Variants in TNS4 observed in about 807,000 individuals in gnomAD.
TNS4 encodes the protein tensin 4, also known as tensin-4.
A neutral mutation model predicts 70.4 loss-of-function variants in TNS4; 46 were observed. The ratio of observed to expected loss-of-function variants is 0.65; its 90% CI spans 0.52 to 0.84. The LOEUF is 0.84. TNS4 is among the 40% of genes least tolerant of loss of function. TNS4 has a pLI of 0.00. For synonymous variants in TNS4, 390 were observed against 366.6 expected, an observed-to-expected ratio of 1.06 and a Z score of -0.73; for missense variants, 863 against 907.0, an observed-to-expected ratio of 0.95 and a Z score of 0.62.
At position 40,482,408 on chromosome 17, in the gene TNS4, T is replaced by C; in HGVS notation, c.1510A>G (p.Ser504Gly). The change falls in exon 7 of 13, where the codon AGC becomes GGC. Residue 504 changes from serine to glycine, a missense_variant. Physicochemically the swap from Ser to Gly is moderately conservative, Grantham distance 56 (BLOSUM62 0). Transcript: ENST00000254051. ...AGGAAGTGTCGGATGAGGTCATTGC[T>C]GTCCTCACCTGGACAGAGAAGAAAG... is the stretch of plus-strand genomic sequence containing the variant. ...ASAQSRPGED[S>G]NDLIRHFLIE... The C allele has an allele frequency of 6.2e-7, 1 of 1,614,004 alleles. No homozygotes were observed. The highest frequency in any genetic ancestry group is 1.1e-5 in the South Asian group (1 of 91,084).
intron 3 of TNS4, 91 bp downstream of exon 3, chr17:40,488,455 A>G: frequency 6.2e-6 from 8 of 1,290,586 alleles, no homozygotes; most frequent in Non-Finnish European, 8.1e-6. Flanking sequence ...TTTTGCTCAG[A>G]CAGAGCAGGG....
At chr17:40,498,033 T>A (rs1470226738) in intron 1 of TNS4, among the ~76,000 whole-genome samples, 3 of 152,210 alleles carry the variant, frequency 2.0e-5, no homozygotes, top group African/African-American at 7.2e-5. Context: ...CCAAGAAAAC[T>A]GTACAGAGCT....
chr17:40,482,757 G>C lies in TNS4; in HGVS notation c.1502-341C>G, dbSNP rs193011294. On this transcript the variant is annotated intron_variant, in intron 6 of 12. Transcript: ENST00000254051. ...TGTGCTACTGCACTCCAGCCTGGGT[G>C]ACACAGTGAGACTCTGTCTCACCGG... Among the ~76,000 whole-genome samples the C allele has an allele frequency of 3.8e-3, 583 of 151,446 alleles. 2 individuals carry two copies. Among genetic ancestry groups the C allele is most frequent in the African/African-American group, 0.013 (544 of 41,282 alleles).
Position 40,478,288 on chromosome 17 carries a change from T to C in TNS4, c.2006+19A>G. 1 of 1,613,758 alleles carries C rather than the reference T, an allele frequency of 6.2e-7. No individual in the cohort carries two copies. The highest frequency in any genetic ancestry group is 8.5e-7 in the Non-Finnish European group (1 of 1,179,898). ...CCTCCCCATGTTGGGTTTGGGGCCC[T>C]GAGACAGGAAGGCCTTACCAGGAGG... On this transcript the variant is annotated intron_variant, in intron 12 of 12. Transcript: ENST00000254051.
In TNS4 at chr17:40,480,756, G is replaced by C; in HGVS notation, c.1685C>G (p.Ala562Gly). Residue 562 changes from alanine (A) to glycine (G), a missense_variant, in exon 9 of 13, where the codon GCA becomes GGA. Transcript: ENST00000254051. ...LTIPQRELGG[A>G]DGASDSTDSP... is the part of the protein sequence containing the mutation. ...GTCTGTAGAGTCCGAGGCCCCATCT[G>C]CACCTCCCAGTTCTGAGCCAAGGCA... is the stretch of plus-strand genomic sequence containing the variant. The C allele has an allele frequency of 6.2e-7, 1 of 1,601,020 alleles. No homozygotes were observed. The highest frequency in any genetic ancestry group is 2.3e-5 in the East Asian group (1 of 43,352).
chr17:40,482,763 G>A (rs2035943298), intron 6 of TNS4, among the ~76,000 whole-genome samples: 2 of 151,494 alleles, frequency 1.3e-5, no homozygotes, highest in Non-Finnish European at 2.9e-5. Flanking sequence ...GGGTGACACA[G>A]TGAGACTCTG....
intron 11 of TNS4, 40 bp from the exon 12 acceptor site, chr17:40,478,373 C>T (rs771124893): frequency 1.3e-5 from 21 of 1,606,742 alleles, no homozygotes; most frequent in Admixed American, 5.2e-5. Flanking sequence ...TGAGGCTTCG[C>T]TCCATGCCAC....
At chr17:40,486,531 C>T (rs949107253) in intron 4 of TNS4, among the ~76,000 whole-genome samples, 3 of 146,046 alleles carry the variant, frequency 2.1e-5, no homozygotes, top group African/African-American at 5.2e-5. Context: ...AGGCAAATTC[C>T]ATTTTTTTTT....
At chr17:40,495,027 G>A (rs1004234997) in intron 2 of TNS4, among the ~76,000 whole-genome samples, 7 of 152,064 alleles carry the variant, frequency 4.6e-5, no homozygotes, top group Non-Finnish European at 7.4e-5. Context: ...CTTTGGACTC[G>A]GTGGTGCCCT....
Position 40,478,132 on chromosome 17 carries a change from C to T in TNS4, c.2006+175G>A, listed in dbSNP as rs573815248. The T allele has an allele frequency of 7.6e-6, 6 of 792,884 alleles. No homozygotes were observed. In the East Asian group the frequency reaches 1.3e-4, roughly 18 times the overall value. 49.1% of individuals were successfully genotyped at this position (792,884 alleles called of 1,614,324 possible). On this transcript the variant is annotated intron_variant, in intron 12 of 12. Transcript: ENST00000254051. ...GCTCCCAGGCTCATGTCACCCCCAA[C>T]AGCCCAGAGGCTCTGAGGGCAGTCA...
At position 40,487,127 on chromosome 17, in the gene TNS4, T is replaced by C; in HGVS notation, c.1197A>G (p.Gln399=). 2 of 1,614,210 alleles carry C rather than the reference T, an allele frequency of 1.2e-6. No homozygotes were observed. Among genetic ancestry groups the C allele is most frequent in the Non-Finnish European group, 1.7e-6 (2 of 1,180,044 alleles). ...QRTPGHQNSV[Q]PGAASPSNPC... is the part of the protein sequence containing the mutation. ...GGTTGCTGGGAGAAGCAGCTCCAGG[T>C]TGAACGGAGTTCTGGTGTCCTGGGG... is the stretch of plus-strand genomic sequence containing the variant. The change falls in exon 4 of 13, where the codon CAA becomes CAG. Residue 399 remains glutamine (Q), a synonymous_variant. Coordinates refer to ENST00000254051, the MANE Select transcript of TNS4 (RefSeq NM_032865.6).
chr17:40,482,454 C>T (rs773068540), intron 6 of TNS4, 38 bp from the exon 7 acceptor site: 9 of 1,606,338 alleles, frequency 5.6e-6, no homozygotes, highest in Middle Eastern at 3.3e-4. Flanking sequence ...GATAGAATTC[C>T]ACCTTGTGGC....
chr17:40,490,204 C>T (rs1006301795), intron 2 of TNS4, among the ~76,000 whole-genome samples: 2 of 152,246 alleles, frequency 1.3e-5, no homozygotes, highest in Non-Finnish European at 2.9e-5. Context: ...CCCAGGCTGC[C>T]GACGCGCTCC....
chr17:40,480,614 G>A (rs570775992), intron 9 of TNS4, 86 bp downstream of exon 9: 1 of 1,279,730 alleles, frequency 7.8e-7, no homozygotes, highest in African/African-American at 1.6e-5. Context: ...GTGCGTGTGT[G>A]CGTGCATGCG....
chr17:40,488,936 G>T lies in TNS4; in HGVS notation c.473C>A (p.Ser158Ter). Reference protein sequence around the residue: ...IKYIEVTSARSRCHDGPQHCS... With the variant: ...IKYIEVTSAR ...GTGCTGGGGGCCATCGTGGCACCTT[G>T]ATCTGGCGGAGGTCACCTCGATGTA... Residue 158 changes from serine to a stop codon, truncating the protein, a stop_gained, in exon 3 of 13, where the codon TCA becomes TAA. Coordinates refer to ENST00000254051, the MANE Select transcript of TNS4 (RefSeq NM_032865.6). LOFTEE classifies it high-confidence loss of function. 1 of 1,595,270 alleles carries T rather than the reference G, an allele frequency of 6.3e-7. No individual in the cohort carries two copies. The highest frequency in any genetic ancestry group is 8.5e-7 in the Non-Finnish European group (1 of 1,173,404).
At chr17:40,482,009 G>A in intron 8 of TNS4, 120 bp downstream of exon 8, 1 of 1,146,794 alleles carries the variant, frequency 8.7e-7, no homozygotes, top group Non-Finnish European at 1.2e-6. Context: ...CGACTCCAGT[G>A]CACACAGTTT....
chr17:40,477,800 T>A, intron 12 of TNS4, 71 bp from the exon 13 acceptor site: 3 of 1,342,104 alleles, frequency 2.2e-6, no homozygotes, highest in East Asian at 2.4e-5. Flanking sequence ...AATGGGGTGG[T>A]GGGGGGCCCT....
At chr17:40,498,562 G>GTT (rs536140931) in intron 1 of TNS4, among the ~76,000 whole-genome samples, 3 of 151,540 alleles carry the variant, frequency 2.0e-5, no homozygotes, top group African/African-American at 7.3e-5. Flanking sequence ...CAGTCCTCTT[G>GTT]TTTTTTTTTC....
chr17:40,482,316 A>T lies in TNS4; in HGVS notation c.1594+8T>A, dbSNP rs996926632. On this transcript the variant is annotated splice_region_variant and intron_variant, in intron 7 of 12. Transcript: ENST00000254051. Reference sequence around the variant, plus strand: ...TCCCGGGGGAGCCTGGAGGCTGGGGAGTCTCACCAAAGTAGGGCTCCTCAT... The same window carrying T: ...TCCCGGGGGAGCCTGGAGGCTGGGGTGTCTCACCAAAGTAGGGCTCCTCAT... 2 of 1,614,016 alleles carry T rather than the reference A, an allele frequency of 1.2e-6. No homozygotes were observed. The highest frequency in any genetic ancestry group is 1.7e-6 in the Non-Finnish European group (2 of 1,179,994).
Sources: gnomAD v4.1 joint callset for allele counts (sites outside exome capture counted in the v4.1 genomes callset) on GRCh38, gnomAD v4.1.1 for gene constraint, MANE v1.5 for transcripts, NCBI Gene and HGNC (gene_info 2026-07-23, HGNC 2026-07-21) for gene names.